SIK3: variants seen among roughly 807,000 people sequenced by gnomAD.
The protein encoded by SIK3 is serine/threonine-protein kinase SIK3.
In SIK3, 28 loss-of-function variants were observed where a neutral mutation model predicts 144.2. The observed-to-expected ratio is 0.19, with a 90% CI of 0.14 to 0.27. SIK3 has a LOEUF of 0.27. SIK3 is among the 10% of genes least tolerant of loss of function. The pLI is 1.00. For missense variants in SIK3, 1,319 were observed against 1,776.0 expected, an observed-to-expected ratio of 0.74 and a Z score of 4.62; for synonymous variants, 686 against 676.3, an observed-to-expected ratio of 1.01 and a Z score of -0.22.
At chr11:117,071,871 A>G (rs1482640275) in intron 1 of SIK3, among the ~76,000 whole-genome samples, 1 of 145,578 alleles carries the variant, frequency 6.9e-6, no homozygotes. Context: ...CTCCCACCTC[A>G]GCCTTCCAAA....
intron 1 of SIK3, among the ~76,000 whole-genome samples, chr11:117,081,737 T>A (rs1228979163): frequency 1.3e-5 from 2 of 152,108 alleles, no homozygotes; most frequent in African/African-American, 2.4e-5. Flanking sequence ...AGGAAAATAA[T>A]CTCAATAAAA....
chr11:116,854,851 G>A (rs1942747585), intron 21 of SIK3, among the ~76,000 whole-genome samples: 1 of 152,044 alleles, frequency 6.6e-6, no homozygotes, highest in Non-Finnish European at 1.5e-5. Context: ...AGCACTTTGT[G>A]AGGCCGAGGT....
chr11:117,093,569 A>G (rs1955339572), intron 1 of SIK3, among the ~76,000 whole-genome samples: 1 of 152,162 alleles, frequency 6.6e-6, no homozygotes, highest in Non-Finnish European at 1.5e-5. Flanking sequence ...CATCATCAAC[A>G]TAACAAAAAT....
At chr11:116,861,168 CTA>C (rs1331709216) in intron 19 of SIK3, 104 bp downstream of exon 19, 1 of 893,786 alleles carries the variant, frequency 1.1e-6, no homozygotes, top group African/African-American at 1.7e-5. Flanking sequence ...CCCCTGAATA[CTA>C]TGTTATTCTG....
chr11:116,908,715 C>A (rs1052529379), intron 4 of SIK3, among the ~76,000 whole-genome samples: 1 of 152,044 alleles, frequency 6.6e-6, no homozygotes, highest in Admixed American at 6.6e-5. Flanking sequence ...AAAACCACAA[C>A]AAGATAATCA....
chr11:117,090,385 T>TG (rs995759524), intron 1 of SIK3, among the ~76,000 whole-genome samples: 1 of 143,558 alleles, frequency 7.0e-6, no homozygotes, highest in African/African-American at 2.6e-5. Context: ...CTTAGGATAA[T>TG]GAAAAAAAAA....
At chr11:116,881,685 C>T (rs1443385567) in intron 6 of SIK3, among the ~76,000 whole-genome samples, 1 of 150,948 alleles carries the variant, frequency 6.6e-6, no homozygotes, top group Non-Finnish European at 1.5e-5. Context: ...ACCAAGAGAG[C>T]AAAAATGAGA....
rs768087803 is a variant in SIK3 at position 116,859,395 on chromosome 11, G to A, written c.2635C>T (p.Arg879Cys). ...GCACTGGGGCTGATGGAGATGCCGC[G>A]CCCACTGGAGCCTGCAGCTGTGCCT... Reference protein sequence around the residue: ...MPGTAAGSSGRGISISPSAGQ... With the variant: ...MPGTAAGSSGCGISISPSAGQ... Residue 879 changes from arginine (R) to cysteine (C), a missense_variant, in exon 20 of 25, where the codon CGC becomes TGC. Coordinates refer to ENST00000445177, the MANE Select transcript of SIK3 (RefSeq NM_001366686.3). 1.5e-5 allele frequency: 25 copies of A among 1,614,058 alleles called. No individual in the cohort carries two copies. The highest frequency in any genetic ancestry group is 1.9e-5 in the Non-Finnish European group (22 of 1,180,046).
chr11:117,098,078 TGG>T, intron 1 of SIK3, 63 bp downstream of exon 1: 1 of 1,246,092 alleles, frequency 8.0e-7, no homozygotes. Context: ...ACCCCCCGGC[TGG>T]GGGGCGCGGA....
chr11:116,878,994 A>C (rs1944406160), intron 6 of SIK3, among the ~76,000 whole-genome samples: 1 of 152,026 alleles, frequency 6.6e-6, no homozygotes, highest in Non-Finnish European at 1.5e-5. Flanking sequence ...TTATGTATTT[A>C]CTTATTGTCT....
intron 3 of SIK3, among the ~76,000 whole-genome samples, chr11:116,944,982 C>T (rs1416230283): frequency 2.0e-5 from 3 of 149,332 alleles, no homozygotes; most frequent in African/African-American, 5.0e-5. Context: ...TTTTTTGAGA[C>T]GGAGTCTCGC....
intron 1 of SIK3, among the ~76,000 whole-genome samples, chr11:117,074,779 T>C (rs1189184890): frequency 4.0e-5 from 6 of 151,488 alleles, no homozygotes; most frequent in East Asian, 1.9e-4. Context: ...AAAAAAAAAT[T>C]AGCCAGGTGT....
intron 3 of SIK3, among the ~76,000 whole-genome samples, chr11:116,934,031 G>A (rs1177535941): frequency 2.0e-5 from 3 of 152,154 alleles, no homozygotes; most frequent in Non-Finnish European, 4.4e-5. Context: ...AACCTTCTCA[G>A]AGAGGTCTTT....
rs1348076443 is a variant in SIK3, at chr11:116,875,431, A to C, written c.1260T>G (p.Ala420=). 6.2e-7 allele frequency: 1 copy of C among 1,614,206 alleles called. No homozygotes were observed. The highest frequency in any genetic ancestry group is 8.5e-7 in the Non-Finnish European group (1 of 1,180,034). ...VNIQAEQAGT[A]MNISVPQVQL... Reference sequence around the variant, plus strand: ...GCACCTGGGGAACGCTGATGTTCATAGCAGTACCTGCCTGCTCCGCCTGGA... The same window carrying C: ...GCACCTGGGGAACGCTGATGTTCATCGCAGTACCTGCCTGCTCCGCCTGGA... Residue 420 remains alanine (A), a synonymous_variant, in exon 10 of 25, where the codon GCT becomes GCG. Coordinates refer to ENST00000445177, the MANE Select transcript of SIK3 (RefSeq NM_001366686.3).
intron 1 of SIK3, among the ~76,000 whole-genome samples, chr11:117,036,222 A>C (rs1303529637): frequency 1.5e-5 from 2 of 137,106 alleles, no homozygotes; most frequent in Non-Finnish European, 3.1e-5. Flanking sequence ...TGCCCAGCCA[A>C]AAATAAAATT....
intron 4 of SIK3, among the ~76,000 whole-genome samples, chr11:116,897,990 A>G (rs1473308059): frequency 1.3e-5 from 2 of 151,476 alleles, no homozygotes; most frequent in Non-Finnish European, 2.9e-5. Context: ...TTTTTTTATT[A>G]TACTTTAAGT....
Position 117,072,088 on chromosome 11 carries a change from T to C in SIK3, c.273+26055A>G, listed in dbSNP as rs184698270. Reference sequence around the variant, plus strand: ...AGGTTTAATATTTAATCTCAAATACTAAAATGACTATATCCACAGCCAGGC... The same window carrying C: ...AGGTTTAATATTTAATCTCAAATACCAAAATGACTATATCCACAGCCAGGC... On this transcript the variant is annotated intron_variant, in intron 1 of 24. Transcript: ENST00000445177. 5.9e-5 allele frequency among the ~76,000 whole-genome samples: 9 copies of C among 152,016 alleles called. No homozygotes were observed. In the East Asian group the frequency reaches 1.6e-3, roughly 26 times the overall value.
intron 13 of SIK3, among the ~76,000 whole-genome samples, chr11:116,872,296 C>T (rs1944009814): frequency 1.3e-5 from 2 of 152,230 alleles, no homozygotes; most frequent in African/African-American, 4.8e-5. Context: ...AAAACAGTTA[C>T]AGTAGACACA....
intron 1 of SIK3, among the ~76,000 whole-genome samples, chr11:117,093,232 C>T (rs2134091275): frequency 6.6e-6 from 1 of 152,316 alleles, no homozygotes; most frequent in East Asian, 1.9e-4. Context: ...TGGGTGAAAG[C>T]ATCATCTCAT....
Sources: gnomAD v4.1 joint callset for allele counts (sites outside exome capture counted in the v4.1 genomes callset) on GRCh38, gnomAD v4.1.1 for gene constraint, MANE v1.5 for transcripts, NCBI Gene and HGNC (gene_info 2026-07-23, HGNC 2026-07-21) for gene names.